CNTNAP5: variants seen among roughly 807,000 people sequenced by gnomAD.
CNTNAP5 encodes contactin-associated protein-like 5.
In CNTNAP5, 72 loss-of-function variants were observed where a neutral mutation model predicts 150.2. The observed-to-expected ratio is 0.48, with a 90% confidence interval of 0.40 to 0.58. CNTNAP5 has a LOEUF of 0.58. Among genes scored for constraint, CNTNAP5 ranks in the 20% least tolerant of loss-of-function variants. CNTNAP5 has a pLI of 0.00. For missense variants in CNTNAP5, 1,636 were observed against 1,626.2 expected, an observed-to-expected ratio of 1.01 and a Z score of -0.10; for synonymous variants, 672 against 619.8, an observed-to-expected ratio of 1.08 and a Z score of -1.25.
intron 10 of CNTNAP5, among the ~76,000 whole-genome samples, chr2:124,547,079 C>A (rs1695528867): frequency 6.6e-6 from 1 of 151,998 alleles, no homozygotes; most frequent in Admixed American, 6.5e-5. Context: ...ACCTCCCCCA[C>A]CCCCGACCAA....
intron 10 of CNTNAP5, among the ~76,000 whole-genome samples, chr2:124,530,050 G>A (rs1260652340): frequency 2.6e-5 from 4 of 152,174 alleles, no homozygotes; most frequent in Admixed American, 6.5e-5. Context: ...GGTTGCTCAC[G>A]TCTGCAATTC....
chr2:124,237,830 CTG>C (rs1033376408), intron 2 of CNTNAP5, among the ~76,000 whole-genome samples: 1 of 152,088 alleles, frequency 6.6e-6, no homozygotes, highest in African/African-American at 2.4e-5. Context: ...GAGCAAGACT[CTG>C]TCTCAAAAGA....
chr2:124,364,718 A>G (rs558292960), intron 3 of CNTNAP5, among the ~76,000 whole-genome samples: 3 of 152,352 alleles, frequency 2.0e-5, no homozygotes, highest in Admixed American at 2.0e-4. Flanking sequence ...CTGAGATAGA[A>G]TTCCTTACAA....
At chr2:124,073,783 C>T (rs1450029279) in intron 1 of CNTNAP5, among the ~76,000 whole-genome samples, 1 of 151,934 alleles carries the variant, frequency 6.6e-6, no homozygotes, top group East Asian at 1.9e-4. Flanking sequence ...TTTGAAGGTT[C>T]TTAAAAAAAC....
intron 3 of CNTNAP5, among the ~76,000 whole-genome samples, chr2:124,318,911 A>G (rs1689033847): frequency 6.6e-6 from 1 of 151,880 alleles, no homozygotes; most frequent in Non-Finnish European, 1.5e-5. Context: ...TCAAAGCTCA[A>G]CTCTCCAGGC....
intron 19 of CNTNAP5, among the ~76,000 whole-genome samples, chr2:124,806,960 A>G (rs1277371765): frequency 6.6e-6 from 1 of 150,452 alleles, no homozygotes; most frequent in African/African-American, 2.5e-5. Flanking sequence ...TGGGAGATTG[A>G]ATGTTTAGCT....
intron 21 of CNTNAP5, among the ~76,000 whole-genome samples, chr2:124,874,899 G>A (rs963061092): frequency 6.6e-6 from 1 of 151,906 alleles, no homozygotes; most frequent in African/African-American, 2.4e-5. Context: ...ACCTGACAGA[G>A]GCATTATTCT....
At chr2:124,682,911 T>C (rs1344112075) in intron 13 of CNTNAP5, among the ~76,000 whole-genome samples, 1 of 152,162 alleles carries the variant, frequency 6.6e-6, no homozygotes, top group African/African-American at 2.4e-5. Flanking sequence ...ACCAAAAAAA[T>C]TGTTTTAATT....
intron 2 of CNTNAP5, among the ~76,000 whole-genome samples, chr2:124,238,101 G>T (rs1310575248): frequency 6.6e-6 from 1 of 152,072 alleles, no homozygotes; most frequent in African/African-American, 2.4e-5. Context: ...CAATGTCAAG[G>T]TGAATTATGT....
chr2:124,553,453 G>T (rs1481168774), intron 10 of CNTNAP5, among the ~76,000 whole-genome samples: 5 of 141,414 alleles, frequency 3.5e-5, no homozygotes, highest in African/African-American at 7.9e-5. Flanking sequence ...GTAGTGAGCC[G>T]AAATCATGCC....
At chr2:124,781,637 T>C (rs1010557033) in intron 17 of CNTNAP5, among the ~76,000 whole-genome samples, 1 of 152,002 alleles carries the variant, frequency 6.6e-6, no homozygotes, top group Non-Finnish European at 1.5e-5. Flanking sequence ...GATCTTGCTG[T>C]CTATTTGGGG....
At chr2:124,316,186 T>A (rs373029181) in intron 3 of CNTNAP5, among the ~76,000 whole-genome samples, 2 of 152,178 alleles carry the variant, frequency 1.3e-5, no homozygotes, top group African/African-American at 2.4e-5. Flanking sequence ...GAATGTAAGA[T>A]GTGATCTTCA....
At chr2:124,562,034 C>T (rs1251277811) in intron 10 of CNTNAP5, among the ~76,000 whole-genome samples, 1 of 152,064 alleles carries the variant, frequency 6.6e-6, no homozygotes, top group East Asian at 1.9e-4. Context: ...TTACTGAGCA[C>T]CAACCAGGTT....
intron 1 of CNTNAP5, among the ~76,000 whole-genome samples, chr2:124,196,079 T>C (rs1685575767): frequency 6.6e-6 from 1 of 152,142 alleles, no homozygotes; most frequent in Admixed American, 6.5e-5. Flanking sequence ...AGTTTTTTTT[T>C]TCTTGATCAG....
chr2:124,104,425 C>T (rs1342197967), intron 1 of CNTNAP5, among the ~76,000 whole-genome samples: 1 of 152,056 alleles, frequency 6.6e-6, no homozygotes, highest in Non-Finnish European at 1.5e-5. Flanking sequence ...TTCTAGACAC[C>T]AATTAGATAG....
chr2:124,313,457 A>G (rs1336586494), intron 3 of CNTNAP5, among the ~76,000 whole-genome samples: 1 of 152,346 alleles, frequency 6.6e-6, no homozygotes, highest in South Asian at 2.1e-4. Flanking sequence ...AGGTGTGAAC[A>G]GTAGCCAACA....
chr2:124,676,900 T>C (rs1173255069), intron 13 of CNTNAP5, among the ~76,000 whole-genome samples: 1 of 152,228 alleles, frequency 6.6e-6, no homozygotes, highest in African/African-American at 2.4e-5. Context: ...TCATTGCTTT[T>C]ATGAAGGTGT....
chr2:124,879,890 GT>G (rs1216077449), intron 21 of CNTNAP5, among the ~76,000 whole-genome samples: 1 of 152,136 alleles, frequency 6.6e-6, no homozygotes, highest in East Asian at 1.9e-4. Context: ...CAAGCTAAGA[GT>G]AATGAACTCC....
rs867443329 is a variant in CNTNAP5, at chr2:124,411,567, G to C, written c.382-5876G>C. 6.3e-5 allele frequency among the ~76,000 whole-genome samples: 9 copies of C among 142,566 alleles called. No individual in the cohort carries two copies. In the Middle Eastern group the frequency reaches 0.018, roughly 283 times the overall value. The allele number at this position is 142,566 out of a possible 152,430, so 93.5% of individuals were successfully genotyped here. The stretch of plus-strand genomic sequence containing the variant: ...GCTTCATCCCTGGGATGCAAGGCTG[G>C]TTCAATATACGCAAATCAATAAATG... On this transcript the variant is annotated intron_variant, in intron 3 of 23. Transcript: ENST00000682447.
Sources: allele counts gnomAD v4.1 joint callset (sites outside exome capture counted in the v4.1 genomes callset), GRCh38; gene constraint gnomAD v4.1.1; transcripts MANE v1.5; gene names NCBI Gene and HGNC (gene_info 2026-07-23, HGNC 2026-07-21).